Variants in LRR1 observed in about 807,000 individuals in gnomAD.
LRR1 encodes leucine rich repeat protein 1.
A neutral mutation model predicts 31.6 loss-of-function variants in LRR1; 29 were observed. The observed-to-expected ratio is 0.92, with a 90% CI of 0.68 to 1.25. The LOEUF is 1.25. Ranked by LOEUF, LRR1 falls within the 50% of genes most tolerant of loss-of-function variation. The probability of loss-of-function intolerance (pLI) is 0.00; values close to 1 mark genes in which losing one functional copy is unlikely to be tolerated. For synonymous variants in LRR1, 179 were observed against 181.4 expected (o/e 0.99, Z 0.10); for missense variants, 485 against 487.2 (o/e 1.00, Z 0.04).
intron 1 of LRR1, 44 bp from the exon 2 acceptor site, chr14:49,602,326 A>G (rs758946311): frequency 2.6e-6 from 4 of 1,527,722 alleles, no homozygotes; most frequent in African/African-American, 1.4e-5. Context: ...TTACTGAGTA[A>G]CAATAATTAG....
chr14:49,614,131 G>A lies in LRR1; in HGVS notation c.1005-125G>A, dbSNP rs545337403. ...ACAATATGTCATATATTGTTTTTTAGTATATTTTAAATATACTAATCGCTT... is the reference window on the plus strand; with the variant it reads ...ACAATATGTCATATATTGTTTTTTAATATATTTTAAATATACTAATCGCTT... On this transcript the variant is annotated intron_variant, in intron 3 of 3. Coordinates refer to ENST00000298288, the MANE Select transcript of LRR1 (RefSeq NM_152329.4). 174 of 961,652 alleles carry A rather than the reference G, an allele frequency of 1.8e-4. No homozygotes were observed. In the African/African-American group the frequency reaches 2.4e-3, roughly 13 times the overall value. 59.6% of individuals were successfully genotyped at this position (961,652 alleles called of 1,614,324 possible).
At position 49,607,704 on chromosome 14, in the gene LRR1, T is replaced by C. The variant is rs1226117634; in HGVS notation, c.587T>C (p.Ile196Thr). 6 of 1,611,606 alleles carry C rather than the reference T, an allele frequency of 3.7e-6. No homozygotes were observed. Among genetic ancestry groups the C allele is most frequent in the Non-Finnish European group, 4.2e-6 (5 of 1,179,250 alleles). ...HNHIKKLPAT[I>T]GDLIHLQELN... ...CATATAAAAAAGCTTCCAGCTACAA[T>C]TGGAGACCTCATACACCTTCAAGAA... is the stretch of plus-strand genomic sequence containing the variant. Residue 196 changes from isoleucine to threonine, a missense_variant, in exon 3 of 4, where the codon ATT becomes ACT. Transcript: ENST00000298288.
intron 3 of LRR1, among the ~76,000 whole-genome samples, chr14:49,611,923 CAAAAA>C (rs61699129): frequency 0.26 from 32,681 of 126,992 alleles, 3,862 homozygotes; most frequent in Admixed American, 0.35. Flanking sequence ...GACTGCGTCT[CAAAAA>C]AAAAAAAAAA....
chr14:49,600,734 C>T (rs1882023472), intron 1 of LRR1: 2 of 935,340 alleles, frequency 2.1e-6, no homozygotes, highest in Non-Finnish European at 3.2e-6. Flanking sequence ...GAAAACAAAA[C>T]CTGTCCTCAG....
chr14:49,601,257 T>C lies in LRR1; in HGVS notation c.184-1113T>C, dbSNP rs190786631. 7.5e-4 allele frequency: 896 copies of C among 1,192,182 alleles called. 1 individual carries two copies. The highest frequency in any genetic ancestry group is 9.3e-4 in the Non-Finnish European group (811 of 875,934). The allele number at this position is 1,192,182 out of a possible 1,614,324, so 73.9% of individuals were successfully genotyped here. Reference sequence around the variant, plus strand: ...CAGGTCACAGCATCCTGCACTTGCCTTGTCTTGATATTTGTTATGCTTATA... The same window carrying C: ...CAGGTCACAGCATCCTGCACTTGCCCTGTCTTGATATTTGTTATGCTTATA... On this transcript the variant is annotated intron_variant, in intron 1 of 3. Transcript: ENST00000298288.
chr14:49,606,651 T>A (rs1189620230), intron 2 of LRR1, among the ~76,000 whole-genome samples: 4 of 13,524 alleles, frequency 3.0e-4, no homozygotes, highest in African/African-American at 1.4e-3. Context: ...AAACTCAAAT[T>A]TTTTTTTTTT....
intron 2 of LRR1, among the ~76,000 whole-genome samples, chr14:49,606,988 A>G (rs2139543930): frequency 6.6e-6 from 1 of 150,718 alleles, no homozygotes; most frequent in South Asian, 2.1e-4. Context: ...ATAGTCAATC[A>G]TTTCCTATCT....
chr14:49,607,352 G>A (rs1340089696), intron 2 of LRR1, 48 bp from the exon 3 acceptor site: 1 of 1,487,276 alleles, frequency 6.7e-7, no homozygotes, highest in Admixed American at 2.3e-5. Context: ...TAGCATGTAT[G>A]TATTATCTCC....
At chr14:49,601,710 G>A in intron 1 of LRR1, 4 of 1,282,872 alleles carry the variant, frequency 3.1e-6, no homozygotes, top group Non-Finnish European at 4.1e-6. Context: ...GAGAAAAGGA[G>A]CATTCTCTCA....
chr14:49,600,806 A>G (rs1882025977), intron 1 of LRR1: 1 of 810,136 alleles, frequency 1.2e-6, no homozygotes, highest in Non-Finnish European at 1.9e-6. Flanking sequence ...GCAGCATCTG[A>G]AGCCACAATC....
In LRR1 at chr14:49,607,687, A is replaced by G. The variant is rs1459905494; in HGVS notation, c.570A>G (p.Lys190=). The G allele has an allele frequency of 1.2e-6, 2 of 1,610,480 alleles. No individual in the cohort carries two copies. Among genetic ancestry groups the G allele is most frequent in the Non-Finnish European group, 1.7e-6 (2 of 1,179,084 alleles). ...TAGACTTGAGTCACAACCATATAAAAAAGCTTCCAGCTACAATTGGAGACC... is the reference window on the plus strand; with the variant it reads ...TAGACTTGAGTCACAACCATATAAAGAAGCTTCCAGCTACAATTGGAGACC... The part of the protein sequence containing the change: ...RKLDLSHNHI[K]KLPATIGDLI... The change falls in exon 3 of 4, where the codon AAA becomes AAG. Residue 190 remains lysine, a synonymous_variant. Coordinates refer to ENST00000298288, the MANE Select transcript of LRR1 (RefSeq NM_152329.4).
intron 2 of LRR1, 61 bp from the exon 3 acceptor site, chr14:49,607,339 A>C: frequency 7.0e-7 from 1 of 1,429,466 alleles, no homozygotes; most frequent in Non-Finnish European, 9.3e-7. Context: ...TTATGGGAAG[A>C]ACTAGCATGT....
chr14:49,601,670 A>G, intron 1 of LRR1: 1 of 1,289,514 alleles, frequency 7.8e-7, no homozygotes, highest in Non-Finnish European at 1.0e-6. Context: ...GCTATTGGCA[A>G]CTCTTCCTAC....
At chr14:49,599,860 G>A (rs1034980332) in intron 1 of LRR1, 4 of 439,722 alleles carry the variant, frequency 9.1e-6, no homozygotes, top group Non-Finnish European at 1.4e-5. Flanking sequence ...TCGCTGCTTG[G>A]GGCCGGGGGG....
chr14:49,612,707 A>G, intron 3 of LRR1: 24 of 888,672 alleles, frequency 2.7e-5, no homozygotes, highest in Non-Finnish European at 3.3e-5. Context: ...AAGTTGTAAG[A>G]CTAGGCTTGT....
intron 1 of LRR1, chr14:49,600,599 T>A: frequency 6.5e-7 from 1 of 1,548,274 alleles, no homozygotes. Context: ...TATAAACTGT[T>A]GTTTAATTAC....
intron 3 of LRR1, among the ~76,000 whole-genome samples, chr14:49,611,768 C>G (rs1218915124): frequency 6.6e-6 from 1 of 151,836 alleles, no homozygotes; most frequent in African/African-American, 2.4e-5. Flanking sequence ...ACTAAAAATA[C>G]AAAAATTAAC....
chr14:49,604,883 G>A (rs186240345), intron 2 of LRR1, among the ~76,000 whole-genome samples: 12 of 151,606 alleles, frequency 7.9e-5, no homozygotes, highest in African/African-American at 2.4e-4. Context: ...ACAATGTCTC[G>A]TTGTTCAACC....
chr14:49,600,924 G>A, intron 1 of LRR1: 3 of 1,512,414 alleles, frequency 2.0e-6, no homozygotes, highest in South Asian at 2.5e-5. Flanking sequence ...CAGAGCTGTA[G>A]ATGGAACTGC....
Sources: gnomAD v4.1 joint callset for allele counts (sites outside exome capture counted in the v4.1 genomes callset) on GRCh38, gnomAD v4.1.1 for gene constraint, MANE v1.5 for transcripts, NCBI Gene and HGNC (gene_info 2026-07-23, HGNC 2026-07-21) for gene names.